Variants in SH3RF2 observed in about 807,000 individuals in gnomAD.
SH3RF2 encodes E3 ubiquitin-protein ligase SH3RF2.
SH3RF2 carries 43 observed loss-of-function variants against 59.0 expected under a neutral mutation model. The observed-to-expected ratio is 0.73, with a 90% CI of 0.57 to 0.94. The LOEUF (loss-of-function observed/expected upper bound fraction) is 0.94, where lower values mean the gene tolerates loss of function less well. SH3RF2 is among the 40% of genes least tolerant of loss of function. The pLI, the probability that SH3RF2 is intolerant of heterozygous loss-of-function variation, is 0.00. For missense variants in SH3RF2, 930 were observed against 940.1 expected (o/e 0.99, Z 0.14); for synonymous variants, 391 against 391.5 (o/e 1.00, Z 0.01).
chr5:146,062,727 C>T lies in SH3RF2; in HGVS notation c.*26C>T. 1 of 1,598,752 alleles carries T rather than the reference C, an allele frequency of 6.3e-7. No homozygotes were observed. The highest frequency in any genetic ancestry group is 8.5e-7 in the Non-Finnish European group (1 of 1,170,860). ...ACCTACGGGTGGCTTTTCCTAGACC[C>T]CAAAGAGGTGAATTGCATTTAAATA... is the stretch of plus-strand genomic sequence containing the variant. On this transcript the variant is annotated 3_prime_UTR_variant, in exon 10 of 10. Transcript: ENST00000359120.
At chr5:146,044,805 G>C (rs1220347530) in intron 5 of SH3RF2, among the ~76,000 whole-genome samples, 6 of 151,872 alleles carry the variant, frequency 4.0e-5, no homozygotes, top group Non-Finnish European at 8.8e-5. Flanking sequence ...TTCTCCTCCA[G>C]GACACTTTAA....
At chr5:145,959,489 C>G (rs372812966) in intron 2 of SH3RF2, among the ~76,000 whole-genome samples, 1 of 152,020 alleles carries the variant, frequency 6.6e-6, no homozygotes, top group Non-Finnish European at 1.5e-5. Context: ...GATTCACCCC[C>G]CTCTGCCTTA....
At chr5:145,995,502 A>C (rs920268585) in intron 2 of SH3RF2, among the ~76,000 whole-genome samples, 1 of 152,144 alleles carries the variant, frequency 6.6e-6, no homozygotes, top group African/African-American at 2.4e-5. Flanking sequence ...CACCTTCCCC[A>C]AAAAAGTTAG....
chr5:146,060,025 C>T lies in SH3RF2; in HGVS notation c.1715C>T (p.Ser572Phe), dbSNP rs371120107. 3 of 1,610,470 alleles carry T rather than the reference C, an allele frequency of 1.9e-6. No individual in the cohort carries two copies. The highest frequency in any genetic ancestry group is 2.5e-6 in the Non-Finnish European group (3 of 1,178,198). Reference sequence around the variant, plus strand: ...TCAGCCGTGGTGGTGGAGATGGGGTCCAAGCCTGCCCTCACGGGGGAGCCC... The same window carrying T: ...TCAGCCGTGGTGGTGGAGATGGGGTTCAAGCCTGCCCTCACGGGGGAGCCC... The part of the protein sequence containing the change: ...SPSAVVVEMG[S>F]KPALTGEPAL... Residue 572 changes from serine to phenylalanine, a missense_variant, in exon 9 of 10, where the codon TCC becomes TTC. Ser to Phe is a radical substitution (Grantham distance 155). Coordinates refer to ENST00000359120, the MANE Select transcript of SH3RF2 (RefSeq NM_152550.4).
chr5:146,024,085 T>G (rs749353085), intron 5 of SH3RF2, among the ~76,000 whole-genome samples: 2 of 152,254 alleles, frequency 1.3e-5, no homozygotes, highest in Non-Finnish European at 2.9e-5. Flanking sequence ...AGACATATGC[T>G]TTCATCTGAT....
chr5:145,975,517 G>A (rs1159762527), intron 2 of SH3RF2, among the ~76,000 whole-genome samples: 1 of 152,214 alleles, frequency 6.6e-6, no homozygotes, highest in Non-Finnish European at 1.5e-5. Flanking sequence ...GAAGGCAGGT[G>A]TGCTAGTCCT....
intron 2 of SH3RF2, among the ~76,000 whole-genome samples, chr5:145,994,004 C>T (rs1270453808): frequency 6.6e-6 from 1 of 152,196 alleles, no homozygotes; most frequent in Non-Finnish European, 1.5e-5. Flanking sequence ...TAACAGCACC[C>T]AAGTCACCTC....
chr5:145,948,124 T>A (rs955054956), intron 2 of SH3RF2, among the ~76,000 whole-genome samples: 4 of 152,206 alleles, frequency 2.6e-5, no homozygotes, highest in African/African-American at 9.6e-5. Flanking sequence ...ACCTACAGAA[T>A]CTCATTTAAC....
At chr5:145,964,313 T>TA (rs1561713165) in intron 2 of SH3RF2, among the ~76,000 whole-genome samples, 1 of 115,322 alleles carries the variant, frequency 8.7e-6, no homozygotes, top group East Asian at 2.1e-4. Context: ...CCTTTCTTTC[T>TA]TTTTTTTTTT....
chr5:146,072,630 C>CATT (rs1194853696), intron 9 of SH3RF2, among the ~76,000 whole-genome samples: 11 of 152,018 alleles, frequency 7.2e-5, no homozygotes, highest in African/African-American at 2.7e-4. Flanking sequence ...AACATTGCAC[C>CATT]ATTGCACTCC....
chr5:145,987,875 T>C (rs1008801695), intron 2 of SH3RF2, among the ~76,000 whole-genome samples: 2 of 152,242 alleles, frequency 1.3e-5, no homozygotes, highest in Non-Finnish European at 2.9e-5. Flanking sequence ...GGCATTCCAC[T>C]AAGTATTCTA....
chr5:145,971,871 AATG>A (rs148965709), intron 2 of SH3RF2, among the ~76,000 whole-genome samples: 16,050 of 150,592 alleles, frequency 0.11, 1,066 homozygotes, highest in East Asian at 0.26. Context: ...TAATAGTGAT[AATG>A]ATGATGATGA....
chr5:146,064,674 GAAAGAAAGAAAGAAAGAAAGAAAGAAA>G (rs1252827959), downstream of SH3RF2, among the ~76,000 whole-genome samples: 26 of 4,176 alleles, frequency 6.2e-3, 1 homozygote, highest in African/African-American at 0.013. Context: ...GAGAAAGAAA[GAAAGAAAGAAAGAAAGAAAGAAAGAAA>G]GAAAGAAAGA....
At chr5:146,056,314 T>C (rs1392575026) in intron 8 of SH3RF2, 101 bp downstream of exon 8, 63 of 1,534,404 alleles carry the variant, frequency 4.1e-5, no homozygotes, top group Non-Finnish European at 5.4e-5. Flanking sequence ...ATCTTGGCTT[T>C]AAACTAAGCC....
At chr5:145,991,944 G>A (rs1580823765) in intron 2 of SH3RF2, among the ~76,000 whole-genome samples, 1 of 152,208 alleles carries the variant, frequency 6.6e-6, no homozygotes, top group East Asian at 1.9e-4. Flanking sequence ...CAAACTTGGT[G>A]AGGGAGCTTG....
intron 5 of SH3RF2, among the ~76,000 whole-genome samples, chr5:146,016,636 A>T (rs897460804): frequency 6.6e-6 from 1 of 152,228 alleles, no homozygotes; most frequent in Non-Finnish European, 1.5e-5. Flanking sequence ...GTCTGGATTG[A>T]ATTTAGAATT....
At chr5:145,975,159 G>A (rs996209424) in intron 2 of SH3RF2, among the ~76,000 whole-genome samples, 35 of 152,320 alleles carry the variant, frequency 2.3e-4, no homozygotes, top group Admixed American at 1.4e-3. Context: ...GCCAGGGCCT[G>A]AGTTTGTTTT....
rs1307141405 is a variant in SH3RF2 at position 145,959,649 on chromosome 5, ATG to A, written c.378+21355_378+21356del. On this transcript the variant is annotated intron_variant, in intron 2 of 9. Transcript: ENST00000359120. ...TGTGTGTGTGTGTGTGTGTGTGTGT[ATG>A]TGTGTGTGTGTATACATATATATAT... 8.1e-3 allele frequency among the ~76,000 whole-genome samples: 1,043 copies of A among 128,646 alleles called. 3 individuals are homozygous for A. Among genetic ancestry groups the A allele is most frequent in the Non-Finnish European group, 0.014 (825 of 60,446 alleles). 84.4% of individuals were successfully genotyped at this position (128,646 alleles called of 152,430 possible).
chr5:146,010,529 C>G (rs1036645402), intron 4 of SH3RF2, among the ~76,000 whole-genome samples: 5 of 152,318 alleles, frequency 3.3e-5, no homozygotes, highest in Middle Eastern at 6.8e-3. Context: ...TCCACATCCT[C>G]TCCAGCACCT....
Sources: allele counts gnomAD v4.1 joint callset (sites outside exome capture counted in the v4.1 genomes callset), GRCh38; gene constraint gnomAD v4.1.1; transcripts MANE v1.5; gene names NCBI Gene and HGNC (gene_info 2026-07-23, HGNC 2026-07-21).